The following CACNB4 variants were observed in gnomAD, a reference collection of about 807,000 sequenced individuals.
The protein encoded by CACNB4 is voltage-dependent L-type calcium channel subunit beta-4.
Under a neutral mutation model 71.2 loss-of-function variants are expected in CACNB4, and 32 were observed. The ratio of observed to expected loss-of-function variants is 0.45; its 90% confidence interval spans 0.34 to 0.60. The LOEUF (loss-of-function observed/expected upper bound fraction) is 0.60. CACNB4 is among the 20% of genes least tolerant of loss of function. The pLI, the probability that CACNB4 is intolerant of heterozygous loss-of-function variation, is 0.01. For synonymous variants in CACNB4, 231 were observed against 236.9 expected (o/e 0.97, Z 0.23); for missense variants, 464 against 647.9 (o/e 0.72, Z 3.08).
intron 2 of CACNB4, among the ~76,000 whole-genome samples, chr2:152,043,188 C>G (rs570987375): frequency 3.4e-4 from 52 of 152,318 alleles, no homozygotes; most frequent in Admixed American, 2.4e-3. Context: ...AGCTGAGCAG[C>G]CCGTGCCACT....
intron 2 of CACNB4, among the ~76,000 whole-genome samples, chr2:151,938,731 C>A (rs955262088): frequency 6.6e-6 from 1 of 152,198 alleles, no homozygotes; most frequent in Non-Finnish European, 1.5e-5. Context: ...ACCCTCCTAC[C>A]CCCAATACAC....
At chr2:151,912,319 T>A (rs148632371) in intron 2 of CACNB4, among the ~76,000 whole-genome samples, 354 of 151,418 alleles carry the variant, frequency 2.3e-3, no homozygotes, top group African/African-American at 8.3e-3. Context: ...TATACATTTC[T>A]GTCTTAACGC....
chr2:151,965,791 C>T (rs890189554), intron 2 of CACNB4, among the ~76,000 whole-genome samples: 1 of 151,856 alleles, frequency 6.6e-6, no homozygotes. Context: ...TCACTGTGGG[C>T]TGGAAGTGCA....
intron 2 of CACNB4, among the ~76,000 whole-genome samples, chr2:152,069,437 A>G (rs1686537575): frequency 6.6e-6 from 1 of 151,736 alleles, no homozygotes; most frequent in Admixed American, 6.6e-5. Context: ...TAAGAGCATC[A>G]TCACCAGATA....
chr2:152,092,456 T>C (rs1357143462), intron 2 of CACNB4, among the ~76,000 whole-genome samples: 5 of 152,344 alleles, frequency 3.3e-5, no homozygotes, highest in Admixed American at 3.3e-4. Context: ...TACAGTGTGG[T>C]TCATTGAATT....
rs553201499 is a variant in CACNB4 at position 152,077,430 on chromosome 2, G to A, written c.147+20900C>T. ...TAGCTGGGTGTGGTGGCACGTGCCT[G>A]TAATCCCAGCTACTCAGGAGGCTGA... is the stretch of plus-strand genomic sequence containing the variant. On this transcript the variant is annotated intron_variant, in intron 2 of 13. Coordinates refer to ENST00000539935, the MANE Select transcript of CACNB4 (RefSeq NM_000726.5). 5.3e-5 allele frequency among the ~76,000 whole-genome samples: 8 copies of A among 152,340 alleles called. No homozygotes were observed. The East Asian group carries it at 1.5e-3, about 29-fold the overall frequency.
chr2:152,052,485 G>A (rs1685493670), intron 2 of CACNB4, among the ~76,000 whole-genome samples: 1 of 152,002 alleles, frequency 6.6e-6, no homozygotes, highest in Non-Finnish European at 1.5e-5. Context: ...GTAGAGACAG[G>A]GTTTTGCCAC....
chr2:152,098,681 T>C lies in CACNB4; in HGVS notation c.63+268A>G. On this transcript the variant is annotated intron_variant, in intron 1 of 13. Transcript: ENST00000539935. This position sits in a 1 kb window ranked among gnomAD's most constrained non-coding sequence, Gnocchi z 5.3. ...AGACTCTCAGGGTGCGGGGTCCGAGTCCCCGGCATCCGCTGGGGGAGGCTG... is the reference window on the plus strand; with the variant it reads ...AGACTCTCAGGGTGCGGGGTCCGAGCCCCCGGCATCCGCTGGGGGAGGCTG... The C allele has an allele frequency of 6.4e-7, 1 of 1,563,698 alleles. No individual in the cohort carries two copies. The highest frequency in any genetic ancestry group is 1.4e-5 in the African/African-American group (1 of 72,830).
In CACNB4 at chr2:152,086,255, C is replaced by T. The variant is rs7576162; in HGVS notation, c.147+12075G>A. On this transcript the variant is annotated intron_variant, in intron 2 of 13. Coordinates refer to ENST00000539935, the MANE Select transcript of CACNB4 (RefSeq NM_000726.5). The stretch of plus-strand genomic sequence containing the variant: ...TATATTGTAATAAAGTAAATGAATA[C>T]GACAATCAATACTACATGAAAAACA... Among the ~76,000 whole-genome samples, 482 of 152,222 alleles carry T rather than the reference C, an allele frequency of 3.2e-3. 3 individuals are homozygous for T. The highest frequency in any genetic ancestry group is 0.011 in the African/African-American group (466 of 41,536).
intron 2 of CACNB4, among the ~76,000 whole-genome samples, chr2:152,051,217 G>C (rs944470198): frequency 1.3e-5 from 2 of 152,070 alleles, no homozygotes. Context: ...CCTACCCAGC[G>C]GCCCAGCTTT....
At chr2:152,065,181 G>C (rs1391975430) in intron 2 of CACNB4, among the ~76,000 whole-genome samples, 3 of 152,048 alleles carry the variant, frequency 2.0e-5, no homozygotes, top group Non-Finnish European at 4.4e-5. Flanking sequence ...TCAGGAGTTC[G>C]ATACCAGCCT....
At chr2:151,897,396 A>T (rs2151493918) in intron 2 of CACNB4, among the ~76,000 whole-genome samples, 1 of 152,354 alleles carries the variant, frequency 6.6e-6, no homozygotes, top group Non-Finnish European at 1.5e-5. Context: ...TAAAGCAGTG[A>T]CTACCAAACC....
intron 2 of CACNB4, among the ~76,000 whole-genome samples, chr2:151,913,900 C>T (rs962172372): frequency 1.3e-5 from 2 of 152,124 alleles, no homozygotes; most frequent in African/African-American, 2.4e-5. Flanking sequence ...TCTGGCTGCC[C>T]TTAACAGTTT....
chr2:152,019,798 G>T (rs972973798), intron 2 of CACNB4, among the ~76,000 whole-genome samples: 2 of 152,178 alleles, frequency 1.3e-5, no homozygotes, highest in Non-Finnish European at 2.9e-5. Flanking sequence ...GCTCCTCAAT[G>T]AAATTAGTTT....
At chr2:151,964,062 T>C (rs2099870354) in intron 2 of CACNB4, among the ~76,000 whole-genome samples, 1 of 103,618 alleles carries the variant, frequency 9.7e-6, no homozygotes, top group African/African-American at 3.8e-5. Flanking sequence ...CAAGACTCTG[T>C]CTCACAGAAA....
chr2:151,909,466 A>C (rs1240754975), intron 2 of CACNB4, among the ~76,000 whole-genome samples: 3 of 151,582 alleles, frequency 2.0e-5, no homozygotes, highest in Non-Finnish European at 4.4e-5. Flanking sequence ...AAAAAAACAA[A>C]AAATGGGATA....
intron 2 of CACNB4, among the ~76,000 whole-genome samples, chr2:151,892,342 T>A (rs949205556): frequency 1.3e-5 from 2 of 151,056 alleles, no homozygotes; most frequent in African/African-American, 4.9e-5. Context: ...CCCCTAAAAG[T>A]AGCTTCAGGC....
At chr2:151,902,181 G>A (rs1005945251) in intron 2 of CACNB4, among the ~76,000 whole-genome samples, 6 of 151,970 alleles carry the variant, frequency 3.9e-5, no homozygotes, top group African/African-American at 7.3e-5. Flanking sequence ...ACAGGCGCAC[G>A]CCACCATGTA....
At chr2:151,988,205 C>T (rs745516835) in intron 2 of CACNB4, among the ~76,000 whole-genome samples, 4 of 151,950 alleles carry the variant, frequency 2.6e-5, no homozygotes, top group East Asian at 3.9e-4. Flanking sequence ...ACAACGGTTG[C>T]GGCAAAGGCT....
Sources: allele counts gnomAD v4.1 joint callset (sites outside exome capture counted in the v4.1 genomes callset), GRCh38; gene constraint gnomAD v4.1.1; non-coding constraint Gnocchi (gnomAD v3.1); transcripts MANE v1.5; gene names NCBI Gene and HGNC (gene_info 2026-07-23, HGNC 2026-07-21).